Variants in ARHGEF15 observed in about 807,000 individuals in gnomAD.
ARHGEF15 encodes Rho guanine nucleotide exchange factor 15, also known as Rho guanine nucleotide exchange factor (GEF) 15.
Under a neutral mutation model 79.7 loss-of-function variants are expected in ARHGEF15, and 58 were observed. That is an observed-to-expected ratio of 0.73 (90% CI 0.59 to 0.91). The LOEUF is 0.91. Among genes scored for constraint, ARHGEF15 ranks in the 40% least tolerant of loss-of-function variants. The pLI, the probability that ARHGEF15 is intolerant of heterozygous loss-of-function variation, is 0.00. For synonymous variants in ARHGEF15, 442 were observed against 456.0 expected, an observed-to-expected ratio of 0.97 and a Z score of 0.39; for missense variants, 1,012 against 1,108.1, an observed-to-expected ratio of 0.91 and a Z score of 1.23.
chr17:8,311,857 T>C lies in ARHGEF15; in HGVS notation c.-49-134T>C, dbSNP rs1384033216. 5.4e-6 allele frequency: 3 copies of C among 554,804 alleles called. No homozygotes were observed. The East Asian group carries it at 1.0e-4, about 19-fold the overall frequency. The allele number at this position is 554,804 out of a possible 1,614,324, so 34.4% of individuals were successfully genotyped here. A position where few individuals can be genotyped will look rare whatever the true frequency, so the allele number is the denominator to read the frequency against. ...AGACACGGAGCGGCTGTATCCCGTA[T>C]TGAGTTTTATGGATTCTCTGGAACC... On this transcript the variant is annotated intron_variant, in intron 1 of 15. Transcript: ENST00000361926.
Position 8,315,170 on chromosome 17 carries a change from T to C in ARHGEF15, c.1153T>C (p.Phe385Leu). 6.2e-7 allele frequency: 1 copy of C among 1,614,090 alleles called. No individual in the cohort carries two copies. Among genetic ancestry groups the C allele is most frequent in the Non-Finnish European group, 8.5e-7 (1 of 1,180,002 alleles). The change falls in exon 6 of 16, where the codon TTC becomes CTC. Residue 385 changes from phenylalanine to leucine, a missense_variant. By Grantham distance (22) the Phe-to-Leu change is conservative. Coordinates refer to ENST00000361926, the MANE Select transcript of ARHGEF15 (RefSeq NM_173728.4). The surrounding 1 kb of genome is among the most constrained non-coding windows in gnomAD (Gnocchi z 4.3). ...SPANAGDAPT[F>L]PRPPGPRNTL... Reference sequence around the variant, plus strand: ...AGCAAATGCTGGAGATGCACCCACCTTCCCACGACCCCCTGGACCTCGCAA... The same window carrying C: ...AGCAAATGCTGGAGATGCACCCACCCTCCCACGACCCCCTGGACCTCGCAA...
intron 14 of ARHGEF15, 50 bp from the exon 15 acceptor site, chr17:8,319,449 T>A: frequency 6.3e-7 from 1 of 1,595,766 alleles, no homozygotes; most frequent in Non-Finnish European, 8.5e-7. Context: ...TAGAGGAATA[T>A]GGGGGAGAAG....
chr17:8,313,069 G>A lies in ARHGEF15; in HGVS notation c.749G>A (p.Arg250His), dbSNP rs763801843. Residue 250 changes from arginine (R) to histidine (H), a missense_variant, in exon 3 of 16, where the codon CGC becomes CAC. By Grantham distance (29) the Arg-to-His change is conservative. This residue lies in a region of ARHGEF15 where 818 missense variants were observed against 882.5 expected (regional missense o/e 0.93). Transcript: ENST00000361926. ...RASPLRTSRS[R>H]PHPPSIGHPA... ...TCCCCGCTGCGGACCTCTCGCTCCC[G>A]CCCCCACCCTCCAAGCATCGGTCAC... is the stretch of plus-strand genomic sequence containing the variant. The A allele has an allele frequency of 1.5e-5, 23 of 1,573,268 alleles. No individual in the cohort carries two copies. Among genetic ancestry groups the A allele is most frequent in the East Asian group, 2.3e-5 (1 of 44,356 alleles).
In ARHGEF15 at chr17:8,315,926, G is replaced by A; in HGVS notation, c.1574+19G>A. 1 of 1,606,358 alleles carries A rather than the reference G, an allele frequency of 6.2e-7. No homozygotes were observed. Among genetic ancestry groups the A allele is most frequent in the Non-Finnish European group, 8.5e-7 (1 of 1,179,700 alleles). On this transcript the variant is annotated intron_variant, in intron 8 of 15. Transcript: ENST00000361926. The surrounding 1 kb of genome is among the most constrained non-coding windows in gnomAD (Gnocchi z 4.3). ...GCCTCATGTGAGTGTCCCAGGGGTG[G>A]GGAGGAAGCTGGGGAGAGGGATGGG... is the stretch of plus-strand genomic sequence containing the variant.
rs530505499 is a variant in ARHGEF15, at chr17:8,315,701, C to T, written c.1422-54C>T. 5.5e-5 allele frequency: 88 copies of T among 1,595,874 alleles called. No individual in the cohort carries two copies. In the East Asian group the frequency reaches 1.9e-3, roughly 34 times the overall value. On this transcript the variant is annotated intron_variant, in intron 7 of 15. Coordinates refer to ENST00000361926, the MANE Select transcript of ARHGEF15 (RefSeq NM_173728.4). The surrounding 1 kb of genome is among the most constrained non-coding windows in gnomAD (Gnocchi z 4.3). ...GTTCCCAAACCTTCTCTCAAGAACC[C>T]GGGAGACCTGGCTCTCTGCCCCGCC...
chr17:8,313,294 G>T (rs772833940), intron 3 of ARHGEF15, 40 bp downstream of exon 3: 1 of 1,582,826 alleles, frequency 6.3e-7, no homozygotes, highest in African/African-American at 1.3e-5. Flanking sequence ...GCTGTGAGGG[G>T]ACAGGAGAGA....
In ARHGEF15 at chr17:8,313,474, T is replaced by C. The variant is rs759067562; in HGVS notation, c.935-27T>C. The C allele has an allele frequency of 2.1e-5, 34 of 1,603,820 alleles. No homozygotes were observed. In the East Asian group the frequency reaches 5.1e-4, roughly 24 times the overall value. On this transcript the variant is annotated intron_variant, in intron 3 of 15. Transcript: ENST00000361926. The stretch of plus-strand genomic sequence containing the variant: ...GGCTGGGGATCCTGGAGTTTTTTTT[T>C]CTCTTCACTCTGGCTTCTCTCTCCA...
rs938432141 is a variant in ARHGEF15 at position 8,312,627 on chromosome 17, G to C, written c.588G>C (p.Glu196Asp). 4 of 1,613,396 alleles carry C rather than the reference G, an allele frequency of 2.5e-6. No individual in the cohort carries two copies. Among genetic ancestry groups the C allele is most frequent in the Middle Eastern group, 1.6e-4 (1 of 6,062 alleles). Residue 196 changes from glutamate to aspartate, a missense_variant, in exon 2 of 16, where the codon GAG becomes GAC. By Grantham distance (45) the Glu-to-Asp change is conservative. Around this residue, in one of 3 missense-constraint regions of ARHGEF15, gnomAD observed 818 missense variants for 882.5 expected, o/e 0.93. Coordinates refer to ENST00000361926, the MANE Select transcript of ARHGEF15 (RefSeq NM_173728.4). ...CCCTCACCGGGAGTGGGTCCCAGGA[G>C]AACGGTGCTCCAGGTGAGTGTGGCG... is the stretch of plus-strand genomic sequence containing the variant. ...EAPLTGSGSQENGAPDAGLAC... is the reference protein window; with the variant it reads ...EAPLTGSGSQDNGAPDAGLAC...
Position 8,320,988 on chromosome 17 carries a change from C to A in ARHGEF15, c.2521C>A (p.Pro841Thr). ...SSSGTPNAPPP is the reference protein window; with the variant it reads ...SSSGTPNAPPT Reference sequence around the variant, plus strand: ...TTCAGGCACCCCCAATGCCCCCCCACCCTAATGCAGGCTGAGGAGGGGGCA... The same window carrying A: ...TTCAGGCACCCCCAATGCCCCCCCAACCTAATGCAGGCTGAGGAGGGGGCA... Residue 841 changes from proline to threonine, a missense_variant, in exon 16 of 16, where the codon CCC becomes ACC. Pro to Thr is a conservative substitution (Grantham distance 38). Transcript: ENST00000361926. The A allele has an allele frequency of 6.2e-7, 1 of 1,613,944 alleles. No individual in the cohort carries two copies. The highest frequency in any genetic ancestry group is 8.5e-7 in the Non-Finnish European group (1 of 1,179,920).
Position 8,313,024 on chromosome 17 carries a change from C to T in ARHGEF15, c.704C>T (p.Pro235Leu). ...WVPVGGYEEV[P>L]RVPRRASPLR... is the part of the protein sequence containing the mutation. ...CCTGTGGGGGGCTATGAGGAGGTCC[C>T]CAGGGTCCCCCGTCGGGCCTCCCCG... Residue 235 changes from proline to leucine, a missense_variant, in exon 3 of 16, where the codon CCC (proline) becomes CTC (leucine). Coordinates refer to ENST00000361926, the MANE Select transcript of ARHGEF15 (RefSeq NM_173728.4). The T allele has an allele frequency of 1.9e-6, 3 of 1,613,104 alleles. No homozygotes were observed. The highest frequency in any genetic ancestry group is 2.2e-5 in the South Asian group (2 of 91,042).
At chr17:8,312,666 G>T (rs766244736) in intron 2 of ARHGEF15, 26 bp downstream of exon 2, 4 of 1,611,330 alleles carry the variant, frequency 2.5e-6, no homozygotes, top group Non-Finnish European at 3.4e-6. Flanking sequence ...GGGGGGCGCT[G>T]GGTGACCTCA....
At position 8,318,250 on chromosome 17, in the gene ARHGEF15, T is replaced by C; in HGVS notation, c.1705-137T>C. 1.2e-6 allele frequency: 1 copy of C among 820,148 alleles called. No homozygotes were observed. The highest frequency in any genetic ancestry group is 1.7e-5 in the African/African-American group (1 of 58,340). The allele number at this position is 820,148 out of a possible 1,614,324, so 50.8% of individuals were successfully genotyped here. On this transcript the variant is annotated intron_variant, in intron 9 of 15. Transcript: ENST00000361926. This position sits in a 1 kb window ranked among gnomAD's most constrained non-coding sequence, Gnocchi z 5.0. ...AGAGGTAACAGGACTTGCTCAGGGT[T>C]CTGCAGATGGTGAGTGATGAGGTCT...
chr17:8,315,391 C>T lies in ARHGEF15; in HGVS notation c.1261-23C>T, dbSNP rs369762123. ...TTCCCACGGTGAACTGGGCTTCCCACGACTGCCTGCTTTTCTTTCTAGAGT... is the reference window on the plus strand; with the variant it reads ...TTCCCACGGTGAACTGGGCTTCCCATGACTGCCTGCTTTTCTTTCTAGAGT... On this transcript the variant is annotated intron_variant, in intron 6 of 15. Coordinates refer to ENST00000361926, the MANE Select transcript of ARHGEF15 (RefSeq NM_173728.4). This position sits in a 1 kb window ranked among gnomAD's most constrained non-coding sequence, Gnocchi z 4.3. 4 of 1,613,584 alleles carry T rather than the reference C, an allele frequency of 2.5e-6. No homozygotes were observed. The highest frequency in any genetic ancestry group is 2.7e-5 in the African/African-American group (2 of 74,862).
rs570348363 is a variant in ARHGEF15 at position 8,318,236 on chromosome 17, G to A, written c.1705-151G>A. ...AAGCTGAGGCTCAGAGAGGTAACAG[G>A]ACTTGCTCAGGGTTCTGCAGATGGT... On this transcript the variant is annotated intron_variant, in intron 9 of 15. Coordinates refer to ENST00000361926, the MANE Select transcript of ARHGEF15 (RefSeq NM_173728.4). This position sits in a 1 kb window ranked among gnomAD's most constrained non-coding sequence, Gnocchi z 5.0. The A allele has an allele frequency of 5.5e-6, 4 of 731,054 alleles. No individual in the cohort carries two copies. The highest frequency in any genetic ancestry group is 7.1e-6 in the Non-Finnish European group (3 of 424,748). The allele number at this position is 731,054 out of a possible 1,614,324, so 45.3% of individuals were successfully genotyped here. A position where few individuals can be genotyped will look rare whatever the true frequency, so the allele number is the denominator to read the frequency against.
chr17:8,321,825 A>T lies in ARHGEF15; in HGVS notation c.*832A>T, dbSNP rs1905404029. 1 of 152,130 alleles carries T rather than the reference A, an allele frequency of 6.6e-6. No homozygotes were observed. The highest frequency in any genetic ancestry group is 2.1e-4 in the South Asian group (1 of 4,830). 9.4% of individuals were successfully genotyped at this position (152,130 alleles called of 1,614,324 possible). On this transcript the variant is annotated 3_prime_UTR_variant, in exon 16 of 16. Coordinates refer to ENST00000361926, the MANE Select transcript of ARHGEF15 (RefSeq NM_173728.4). ...GAGCCCTGAGCTTTGGGTCTCTTGGAGGCTAGGGTTCTGTGGCAGTTGCAG... is the reference window on the plus strand; with the variant it reads ...GAGCCCTGAGCTTTGGGTCTCTTGGTGGCTAGGGTTCTGTGGCAGTTGCAG...
chr17:8,312,703 G>A lies in ARHGEF15; in HGVS notation c.601+63G>A, dbSNP rs112241851. On this transcript the variant is annotated intron_variant, in intron 2 of 15. Coordinates refer to ENST00000361926, the MANE Select transcript of ARHGEF15 (RefSeq NM_173728.4). ...TCCACCCATCTTCTCCGTTTTCAGT[G>A]CTAACAACTTTCAGGGGCTACCTTT... 3.2e-4 allele frequency: 515 copies of A among 1,608,404 alleles called. No individual in the cohort carries two copies. The African/African-American group carries it at 6.2e-3, about 19-fold the overall frequency.
intron 3 of ARHGEF15, 26 bp downstream of exon 3, chr17:8,313,280 C>G (rs1325193989): frequency 3.1e-6 from 5 of 1,595,340 alleles, no homozygotes; most frequent in African/African-American, 1.3e-5. Context: ...GAGTGGACCT[C>G]TGGGCTGTGA....
intron 2 of ARHGEF15, 62 bp from the exon 3 acceptor site, chr17:8,312,860 G>C: frequency 6.4e-7 from 1 of 1,568,318 alleles, no homozygotes; most frequent in Non-Finnish European, 8.6e-7. Context: ...GATGGAGATG[G>C]TCTGGGCGGG....
Position 8,310,357 on chromosome 17 carries a change from GACC to G in ARHGEF15, c.-50+15_-50+17del, listed in dbSNP as rs1207663343. On this transcript the variant is annotated intron_variant, in intron 1 of 15. Transcript: ENST00000361926. The stretch of plus-strand genomic sequence containing the variant: ...AAAAAGATAAAGGTAAATTCATGGG[GACC>G]TACTGCAGAGTTAGGGAGGGAAGCC... 2.0e-5 allele frequency: 3 copies of G among 152,274 alleles called. No individual in the cohort carries two copies. In the East Asian group the frequency reaches 5.8e-4, roughly 29 times the overall value. The allele number at this position is 152,274 out of a possible 1,614,324, so 9.4% of individuals were successfully genotyped here. A position where few individuals can be genotyped will look rare whatever the true frequency, so the allele number is the denominator to read the frequency against.
Sources: allele counts gnomAD v4.1 joint callset, GRCh38; gene constraint gnomAD v4.1.1; regional missense constraint gnomAD v4.1.1; non-coding constraint Gnocchi (gnomAD v3.1); transcripts MANE v1.5; gene names NCBI Gene and HGNC (gene_info 2026-07-23, HGNC 2026-07-21).